CRISP1: variants seen among roughly 807,000 people sequenced by gnomAD.
The protein encoded by CRISP1 is cysteine-rich secretory protein 1.
In CRISP1, 44 loss-of-function variants were observed where a neutral mutation model predicts 33.1. The ratio of observed to expected loss-of-function variants is 1.33; its 90% confidence interval spans 1.05 to 1.71. The LOEUF is 1.71. Among genes scored for constraint, CRISP1 ranks in the 40% most tolerant of loss-of-function variants. The pLI is 0.00. For synonymous variants in CRISP1, 103 were observed against 98.7 expected, an observed-to-expected ratio of 1.04 and a Z score of -0.26; for missense variants, 390 against 301.2, an observed-to-expected ratio of 1.29 and a Z score of -2.18.
At chr6:49,851,024 T>A (rs1283615507) in intron 3 of CRISP1, among the ~76,000 whole-genome samples, 1 of 152,210 alleles carries the variant, frequency 6.6e-6, no homozygotes, top group Non-Finnish European at 1.5e-5. Context: ...TGAGTTAATG[T>A]AACAAGGTAT....
intron 5 of CRISP1, among the ~76,000 whole-genome samples, chr6:49,844,756 A>T (rs895483414): frequency 6.6e-6 from 1 of 152,164 alleles, no homozygotes; most frequent in Non-Finnish European, 1.5e-5. Context: ...CCTGGGACCC[A>T]TTGCTGCTTC....
chr6:49,871,231 A>G (rs960627735), upstream of CRISP1, among the ~76,000 whole-genome samples: 1 of 152,118 alleles, frequency 6.6e-6, no homozygotes, highest in African/African-American at 2.4e-5. Context: ...TGCCATCTCC[A>G]TGCCAGGTGA....
intron 6 of CRISP1, 69 bp from the exon 7 acceptor site, chr6:49,838,594 G>A (rs974983331): frequency 4.4e-6 from 5 of 1,146,732 alleles, no homozygotes; most frequent in Admixed American, 2.2e-5. Flanking sequence ...TACTCACAGT[G>A]TACAACCAAT....
Position 49,835,173 on chromosome 6 carries a change from T to C in CRISP1, c.*143A>G, listed in dbSNP as rs963574701. On this transcript the variant is annotated 3_prime_UTR_variant, in exon 8 of 8. Coordinates refer to ENST00000335847, the MANE Select transcript of CRISP1 (RefSeq NM_001131.3). ...TTTAAAACAGTGTTACTTCAGGATG[T>C]ATCAGGATGGGAGTTAAGGTCTCCA... 5.1e-6 allele frequency: 4 copies of C among 786,878 alleles called. No individual in the cohort carries two copies. The highest frequency in any genetic ancestry group is 2.6e-5 in the Admixed American group (1 of 37,874). 48.7% of individuals were successfully genotyped at this position (786,878 alleles called of 1,614,324 possible).
At position 49,846,571 on chromosome 6, in the gene CRISP1, A is replaced by G. The variant is rs373156867; in HGVS notation, c.384T>C (p.His128=). 2.5e-5 allele frequency: 41 copies of G among 1,613,620 alleles called. No homozygotes were observed. Among genetic ancestry groups the G allele is most frequent in the Middle Eastern group, 3.3e-4 (2 of 6,058 alleles). Residue 128 remains histidine (H), a synonymous_variant, in exon 5 of 8, where the codon CAT becomes CAC. Transcript: ENST00000335847. The part of the protein sequence containing the change: ...VWYSESTSFK[H]GEWTTTDDDI... ...CATCATCCGTTGTTGTCCATTCTCC[A>G]TGTTTGAAACTTGTAGACTCACTGT...
chr6:49,835,481 TA>T (rs1461197521), intron 7 of CRISP1, 38 bp from the exon 8 acceptor site: 3 of 1,597,656 alleles, frequency 1.9e-6, no homozygotes, highest in Non-Finnish European at 2.6e-6. Flanking sequence ...CACAGTCTTT[TA>T]AAAATCGCAT....
chr6:49,845,165 G>A (rs1363477634), intron 5 of CRISP1, among the ~76,000 whole-genome samples: 4 of 152,124 alleles, frequency 2.6e-5, no homozygotes, highest in African/African-American at 9.7e-5. Flanking sequence ...AAATAATTAA[G>A]ATTAAATAAA....
At chr6:49,868,519 G>C (rs937063895), upstream of CRISP1, among the ~76,000 whole-genome samples, 1 of 152,138 alleles carries the variant, frequency 6.6e-6, no homozygotes, top group Non-Finnish European at 1.5e-5. Flanking sequence ...TTTACTCAGA[G>C]ATTGGCTAAC....
At chr6:49,866,846 A>G (rs2127478690), upstream of CRISP1, among the ~76,000 whole-genome samples, 1 of 152,266 alleles carries the variant, frequency 6.6e-6, no homozygotes, top group Middle Eastern at 3.4e-3. Flanking sequence ...AAATTCATTC[A>G]GTAATTATTT....
chr6:49,845,748 G>C (rs1414283517), intron 5 of CRISP1, among the ~76,000 whole-genome samples: 1 of 148,904 alleles, frequency 6.7e-6, no homozygotes, highest in Non-Finnish European at 1.5e-5. Flanking sequence ...CATCAGAACA[G>C]ACAAGCAAAA....
upstream of CRISP1, among the ~76,000 whole-genome samples, chr6:49,869,076 A>G (rs768626390): frequency 6.6e-6 from 1 of 152,164 alleles, no homozygotes; most frequent in Non-Finnish European, 1.5e-5. Context: ...CCAAGGCTCA[A>G]TGATTTAAAG....
chr6:49,867,599 T>C (rs796505018), upstream of CRISP1, among the ~76,000 whole-genome samples: 9 of 152,128 alleles, frequency 5.9e-5, no homozygotes, highest in African/African-American at 2.2e-4. Context: ...CAGAGTCTCT[T>C]AAGATAGAAC....
At chr6:49,848,949 C>T (rs111930441) in intron 3 of CRISP1, among the ~76,000 whole-genome samples, 7 of 151,984 alleles carry the variant, frequency 4.6e-5, no homozygotes, top group Non-Finnish European at 1.0e-4. Context: ...GGAAATAAGG[C>T]ACAGAGATGT....
upstream of CRISP1, among the ~76,000 whole-genome samples, chr6:49,868,880 C>T (rs1298090647): frequency 6.6e-6 from 1 of 152,128 alleles, no homozygotes; most frequent in Non-Finnish European, 1.5e-5. Context: ...TTATGTTGCA[C>T]ATAAAATAAA....
intron 1 of CRISP1, among the ~76,000 whole-genome samples, chr6:49,861,775 C>T (rs1444364277): frequency 6.6e-6 from 1 of 152,012 alleles, no homozygotes; most frequent in Non-Finnish European, 1.5e-5. Context: ...GTCCTAGCTA[C>T]TCAGGAGGTT....
intron 2 of CRISP1, among the ~76,000 whole-genome samples, chr6:49,854,890 A>G (rs1005939043): frequency 5.3e-5 from 8 of 152,222 alleles, no homozygotes; most frequent in Admixed American, 4.6e-4. Flanking sequence ...AAGGCCCAGA[A>G]CAGCCCTCAC....
intron 1 of CRISP1, among the ~76,000 whole-genome samples, chr6:49,861,701 T>C (rs1446165221): frequency 6.6e-6 from 1 of 151,976 alleles, no homozygotes; most frequent in Admixed American, 6.6e-5. Context: ...CTGTGCAACA[T>C]GGTGAAACCT....
At chr6:49,839,318 G>A (rs1770909847) in intron 6 of CRISP1, among the ~76,000 whole-genome samples, 1 of 150,580 alleles carries the variant, frequency 6.6e-6, no homozygotes, top group South Asian at 2.1e-4. Flanking sequence ...AGGCCTGGTG[G>A]CGTATGCCTG....
At chr6:49,844,687 G>A (rs1380869451) in intron 5 of CRISP1, among the ~76,000 whole-genome samples, 1 of 152,198 alleles carries the variant, frequency 6.6e-6, no homozygotes, top group Non-Finnish European at 1.5e-5. Flanking sequence ...TCAAACCAAA[G>A]AGAATTATTC....
Sources: gnomAD v4.1 joint callset for allele counts (sites outside exome capture counted in the v4.1 genomes callset) on GRCh38, gnomAD v4.1.1 for gene constraint, MANE v1.5 for transcripts, NCBI Gene and HGNC (gene_info 2026-07-23, HGNC 2026-07-21) for gene names.